PTPRM: variants seen among roughly 807,000 people sequenced by gnomAD.
The protein encoded by PTPRM is receptor-type tyrosine-protein phosphatase mu.
Under a neutral mutation model 186.7 loss-of-function variants are expected in PTPRM, and 47 were observed. The ratio of observed to expected loss-of-function variants is 0.25; its 90% CI spans 0.20 to 0.32. PTPRM has a LOEUF of 0.32. Ranked by LOEUF, PTPRM falls within the 10% of genes least tolerant of loss-of-function variation. PTPRM has a pLI of 1.00. For missense variants in PTPRM, 1,494 were observed against 1,865.0 expected, an observed-to-expected ratio of 0.80 and a Z score of 3.66; for synonymous variants, 668 against 674.9, an observed-to-expected ratio of 0.99 and a Z score of 0.16.
intron 1 of PTPRM, among the ~76,000 whole-genome samples, chr18:7,624,178 G>A (rs917349301): frequency 1.3e-5 from 2 of 152,224 alleles, no homozygotes; most frequent in African/African-American, 4.8e-5. Context: ...TATTTATAGC[G>A]GTGAGTGGGA....
At chr18:7,732,725 G>A (rs746523790) in intron 1 of PTPRM, among the ~76,000 whole-genome samples, 1 of 151,786 alleles carries the variant, frequency 6.6e-6, no homozygotes, top group African/African-American at 2.4e-5. Flanking sequence ...GGCTGGTCTC[G>A]AACTCCTGGT....
At chr18:7,624,341 C>T (rs2038009067) in intron 1 of PTPRM, among the ~76,000 whole-genome samples, 1 of 152,140 alleles carries the variant, frequency 6.6e-6, no homozygotes, top group African/African-American at 2.4e-5. Flanking sequence ...GGACATCTCC[C>T]CTAGTTATCT....
At chr18:8,036,295 A>C (rs2086325064) in intron 7 of PTPRM, among the ~76,000 whole-genome samples, 1 of 152,280 alleles carries the variant, frequency 6.6e-6, no homozygotes, top group Non-Finnish European at 1.5e-5. Flanking sequence ...AACAGCATCT[A>C]CTGCCCCAAG....
At chr18:7,611,431 G>A (rs925769324) in intron 1 of PTPRM, among the ~76,000 whole-genome samples, 3 of 152,100 alleles carry the variant, frequency 2.0e-5, no homozygotes, top group African/African-American at 4.8e-5. Flanking sequence ...CTATACAGGT[G>A]TACAATTTTT....
At position 8,406,236 on chromosome 18, in the gene PTPRM, A is replaced by G; in HGVS notation, c.*74A>G. 7.4e-7 allele frequency: 1 copy of G among 1,359,592 alleles called. No individual in the cohort carries two copies. The highest frequency in any genetic ancestry group is 1.0e-6 in the Non-Finnish European group (1 of 969,222). The allele number at this position is 1,359,592 out of a possible 1,614,324, so 84.2% of individuals were successfully genotyped here. On this transcript the variant is annotated 3_prime_UTR_variant, in exon 33 of 33. Coordinates refer to ENST00000580170, the MANE Select transcript of PTPRM (RefSeq NM_001105244.2). ...ACGTTCCATGGTATTTGTGCAAAAG[A>G]GATGAAGACTTCTCAATATGCTTAT...
At chr18:7,678,702 G>T (rs781299877) in intron 1 of PTPRM, among the ~76,000 whole-genome samples, 9 of 151,972 alleles carry the variant, frequency 5.9e-5, no homozygotes, top group Non-Finnish European at 1.0e-4. Flanking sequence ...TTTTTATTTC[G>T]TATTTCAGAA....
At chr18:7,819,431 C>T (rs7232793) in intron 2 of PTPRM, among the ~76,000 whole-genome samples, 78,894 of 151,720 alleles carry the variant, frequency 0.52, 22,214 homozygotes, top group East Asian at 0.78. Context: ...AAGAGCACAC[C>T]GACAGTTGTC....
intron 14 of PTPRM, among the ~76,000 whole-genome samples, chr18:8,157,621 C>A (rs1453972324): frequency 6.6e-6 from 1 of 152,194 alleles, no homozygotes; most frequent in East Asian, 1.9e-4. Context: ...ATTCTTCAGC[C>A]ATGCTCAGCC....
chr18:7,989,106 A>G (rs2083123990), intron 7 of PTPRM, among the ~76,000 whole-genome samples: 1 of 151,826 alleles, frequency 6.6e-6, no homozygotes, highest in African/African-American at 2.4e-5. Context: ...TTGTAAATTC[A>G]CTCTATATTT....
At chr18:7,569,363 G>C (rs867641232) in intron 1 of PTPRM, among the ~76,000 whole-genome samples, 61 of 152,150 alleles carry the variant, frequency 4.0e-4, no homozygotes, top group African/African-American at 7.2e-4. Context: ...CTTTCTCCAA[G>C]TTTTGTGTTT....
intron 7 of PTPRM, among the ~76,000 whole-genome samples, chr18:7,957,543 C>T (rs796866649): frequency 1.3e-5 from 2 of 152,106 alleles, no homozygotes; most frequent in Non-Finnish European, 2.9e-5. Context: ...TCTGGTTGTG[C>T]CCTGTGCTGG....
intron 20 of PTPRM, among the ~76,000 whole-genome samples, chr18:8,304,922 T>C (rs2095205010): frequency 6.6e-6 from 1 of 152,022 alleles, no homozygotes; most frequent in Admixed American, 6.6e-5. Context: ...ATTAAAGTAG[T>C]ACGTAAAATC....
intron 2 of PTPRM, among the ~76,000 whole-genome samples, chr18:7,835,134 AC>A (rs1027451452): frequency 1.0e-4 from 15 of 143,994 alleles, no homozygotes; most frequent in African/African-American, 3.8e-4. Flanking sequence ...TATTTATTCT[AC>A]TAAACTTGGG....
intron 13 of PTPRM, among the ~76,000 whole-genome samples, chr18:8,118,341 G>A (rs2092034486): frequency 1.3e-5 from 2 of 152,108 alleles, no homozygotes; most frequent in Non-Finnish European, 1.5e-5. Context: ...GTTTTTTTGG[G>A]TTTTGATATA....
intron 7 of PTPRM, among the ~76,000 whole-genome samples, chr18:7,989,159 A>C (rs2083127706): frequency 1.3e-5 from 2 of 152,070 alleles, no homozygotes; most frequent in African/African-American, 4.8e-5. Flanking sequence ...CACTGACACA[A>C]ACCTGAGAGA....
intron 11 of PTPRM, among the ~76,000 whole-genome samples, chr18:8,105,680 G>GC (rs139980073): frequency 0.021 from 3,231 of 152,186 alleles, 112 homozygotes; most frequent in African/African-American, 0.073. Context: ...TCATTCCCAG[G>GC]CCCCCAGTGC....
At chr18:7,884,455 G>T (rs985233517) in intron 2 of PTPRM, among the ~76,000 whole-genome samples, 9 of 152,128 alleles carry the variant, frequency 5.9e-5, no homozygotes, top group African/African-American at 1.9e-4. Context: ...TTCCAGATCA[G>T]TTGGGAGAGA....
At chr18:7,894,287 TAAA>T (rs908868696) in intron 3 of PTPRM, among the ~76,000 whole-genome samples, 4 of 152,132 alleles carry the variant, frequency 2.6e-5, no homozygotes. Flanking sequence ...TTCCAAAATA[TAAA>T]AAATATATTT....
At chr18:8,138,949 G>A (rs969154223) in intron 13 of PTPRM, among the ~76,000 whole-genome samples, 3 of 151,934 alleles carry the variant, frequency 2.0e-5, no homozygotes, top group Admixed American at 6.6e-5. Context: ...ATGTGGCTGA[G>A]TTCCATCCTC....
Sources: allele counts gnomAD v4.1 joint callset (sites outside exome capture counted in the v4.1 genomes callset), GRCh38; gene constraint gnomAD v4.1.1; transcripts MANE v1.5; gene names NCBI Gene and HGNC (gene_info 2026-07-23, HGNC 2026-07-21).